MBOAT1: variants seen among roughly 807,000 people sequenced by gnomAD.
The protein encoded by MBOAT1 is membrane-bound glycerophospholipid O-acyltransferase 1.
A neutral mutation model predicts 64.4 loss-of-function variants in MBOAT1; 67 were observed. The observed-to-expected ratio is 1.04, with a 90% CI of 0.85 to 1.27. The LOEUF (loss-of-function observed/expected upper bound fraction) is 1.27. MBOAT1 is among the 50% of genes most tolerant of loss of function. The pLI is 0.00. For missense variants in MBOAT1, 563 were observed against 604.6 expected (o/e 0.93, Z 0.72); for synonymous variants, 229 against 218.9 (o/e 1.05, Z -0.41).
At chr6:20,167,982 G>T (rs2113719458) in intron 1 of MBOAT1, among the ~76,000 whole-genome samples, 1 of 152,204 alleles carries the variant, frequency 6.6e-6, no homozygotes, top group East Asian at 1.9e-4. Flanking sequence ...TCCTCCAGTA[G>T]GAAGCACATA....
chr6:20,104,910 C>G (rs1267934518), intron 12 of MBOAT1, among the ~76,000 whole-genome samples: 1 of 152,216 alleles, frequency 6.6e-6, no homozygotes, highest in Non-Finnish European at 1.5e-5. Context: ...TACAAAAAGG[C>G]ATCAGCCTCC....
chr6:20,209,078 G>GC (rs1422431790), intron 1 of MBOAT1, among the ~76,000 whole-genome samples: 1 of 152,176 alleles, frequency 6.6e-6, no homozygotes, highest in African/African-American at 2.4e-5. Flanking sequence ...AAAAGTGCTT[G>GC]CCCACTTTAT....
chr6:20,103,835 T>G (rs1005347192), intron 12 of MBOAT1, among the ~76,000 whole-genome samples: 1 of 152,200 alleles, frequency 6.6e-6, no homozygotes, highest in Non-Finnish European at 1.5e-5. Context: ...AATTTATTAT[T>G]GAGGAAAAGT....
intron 10 of MBOAT1, among the ~76,000 whole-genome samples, chr6:20,113,551 A>G (rs1450731104): frequency 6.6e-6 from 1 of 152,164 alleles, no homozygotes; most frequent in Non-Finnish European, 1.5e-5. Context: ...CACAAAATCA[A>G]TGTGTCAGTT....
At chr6:20,166,369 T>G (rs1037319623) in intron 1 of MBOAT1, among the ~76,000 whole-genome samples, 7 of 152,162 alleles carry the variant, frequency 4.6e-5, no homozygotes, top group African/African-American at 1.7e-4. Context: ...AAGGAACATT[T>G]CCCCTTTTTC....
chr6:20,160,729 A>AAGAGTACTTTTAGTACTCTTTT (rs1451674930), intron 1 of MBOAT1, among the ~76,000 whole-genome samples: 1 of 152,204 alleles, frequency 6.6e-6, no homozygotes, highest in Non-Finnish European at 1.5e-5. Flanking sequence ...GTAGCTGGGA[A>AAGAGTACTTTTAGTACTCTTTT]AGAGTACTAA....
chr6:20,173,039 C>T (rs867774035), intron 1 of MBOAT1, among the ~76,000 whole-genome samples: 11 of 152,294 alleles, frequency 7.2e-5, no homozygotes, highest in South Asian at 4.2e-4. Flanking sequence ...TTTAGCACCT[C>T]CACCCTCACT....
intron 1 of MBOAT1, among the ~76,000 whole-genome samples, chr6:20,168,527 G>GGAGAGGAGAGGAGAGGGA (rs1762079151): frequency 7.2e-6 from 1 of 138,038 alleles, no homozygotes; most frequent in Non-Finnish European, 1.6e-5. Context: ...GGAGAGGAGA[G>GGAGAGGAGAGGAGAGGGA]AAGAGGAGAG....
intron 4 of MBOAT1, 64 bp downstream of exon 4, chr6:20,144,156 C>T (rs957960010): frequency 3.8e-6 from 4 of 1,056,998 alleles, no homozygotes; most frequent in African/African-American, 3.2e-5. Flanking sequence ...TTGATGTTTA[C>T]AGACCCCAAG....
At chr6:20,155,522 G>T (rs1230992780) in intron 1 of MBOAT1, among the ~76,000 whole-genome samples, 10 of 152,182 alleles carry the variant, frequency 6.6e-5, no homozygotes. Flanking sequence ...GTGCTTTGGG[G>T]GAATTGGTGT....
chr6:20,205,993 C>A (rs914800592), intron 1 of MBOAT1, among the ~76,000 whole-genome samples: 1 of 152,094 alleles, frequency 6.6e-6, no homozygotes, highest in Admixed American at 6.5e-5. Context: ...CCACGTGCTG[C>A]CCCTAACTTC....
intron 1 of MBOAT1, among the ~76,000 whole-genome samples, chr6:20,199,707 C>T (rs996595304): frequency 1.3e-5 from 2 of 152,208 alleles, no homozygotes; most frequent in Non-Finnish European, 2.9e-5. Context: ...CGGTGGCTCA[C>T]GCCCATAATC....
At chr6:20,140,520 A>G (rs1761138911) in intron 4 of MBOAT1, among the ~76,000 whole-genome samples, 1 of 152,186 alleles carries the variant, frequency 6.6e-6, no homozygotes, top group Non-Finnish European at 1.5e-5. Flanking sequence ...CAATCCTTAG[A>G]GGGCAAGAAC....
At chr6:20,127,575 G>C (rs936418289) in intron 6 of MBOAT1, among the ~76,000 whole-genome samples, 2 of 152,134 alleles carry the variant, frequency 1.3e-5, no homozygotes, top group Admixed American at 6.5e-5. Context: ...TCTCATAGGA[G>C]TGCAAACCCT....
intron 1 of MBOAT1, among the ~76,000 whole-genome samples, chr6:20,189,853 A>G (rs1762756120): frequency 1.3e-5 from 2 of 152,166 alleles, no homozygotes; most frequent in South Asian, 4.1e-4. Flanking sequence ...GTTGTACTAA[A>G]GGGCAGGATT....
intron 4 of MBOAT1, among the ~76,000 whole-genome samples, chr6:20,143,269 T>A (rs1257401086): frequency 6.6e-6 from 1 of 152,226 alleles, no homozygotes; most frequent in Non-Finnish European, 1.5e-5. Flanking sequence ...CAACAGGGCA[T>A]AGAATTCTCA....
chr6:20,155,504 T>C (rs532903946), intron 1 of MBOAT1, among the ~76,000 whole-genome samples: 1 of 152,368 alleles, frequency 6.6e-6, no homozygotes, highest in East Asian at 1.9e-4. Flanking sequence ...CCTTTATTTC[T>C]AAAATGTGTG....
rs28463995 is a variant in MBOAT1, at chr6:20,203,487, A to G, written c.99+8649T>C. 9.9e-3 allele frequency among the ~76,000 whole-genome samples: 1,501 copies of G among 152,320 alleles called. 21 individuals carry two copies. The highest frequency in any genetic ancestry group is 0.034 in the African/African-American group (1,415 of 41,560). On this transcript the variant is annotated intron_variant, in intron 1 of 12. Transcript: ENST00000324607. ...CCATTTAATCTGATATTCAGGTTCC[A>G]AATAATAAACAGGCCTAATTCAGTT...
At chr6:20,109,267 C>T (rs967049951) in intron 12 of MBOAT1, among the ~76,000 whole-genome samples, 3 of 152,134 alleles carry the variant, frequency 2.0e-5, no homozygotes, top group African/African-American at 7.2e-5. Flanking sequence ...ACAGCCTACC[C>T]CCCAGGAGAA....
Sources: allele counts gnomAD v4.1 joint callset (sites outside exome capture counted in the v4.1 genomes callset), GRCh38; gene constraint gnomAD v4.1.1; transcripts MANE v1.5; gene names NCBI Gene and HGNC (gene_info 2026-07-23, HGNC 2026-07-21).